The following PDE1A variants were observed in gnomAD, a reference collection of about 807,000 sequenced individuals.
PDE1A encodes phosphodiesterase 1A.
Under a neutral mutation model 61.7 loss-of-function variants are expected in PDE1A, and 35 were observed. That is an observed-to-expected ratio of 0.57 (90% CI 0.43 to 0.75). The LOEUF (loss-of-function observed/expected upper bound fraction) is 0.75. Among genes scored for constraint, PDE1A ranks in the 30% least tolerant of loss-of-function variants. The pLI, the probability that PDE1A is intolerant of heterozygous loss-of-function variation, is 0.00. For missense variants in PDE1A, 597 were observed against 630.6 expected (o/e 0.95, Z 0.57); for synonymous variants, 232 against 213.2 (o/e 1.09, Z -0.77).
chr2:182,506,023 A>C, intron 2 of PDE1A, among the ~76,000 whole-genome samples: 1 of 152,234 alleles, frequency 6.6e-6, no homozygotes, highest in Non-Finnish European at 1.5e-5. Context: ...AAATTCTAAA[A>C]GTTAGAAAGG....
chr2:182,454,034 C>A (rs202226321), intron 2 of PDE1A, among the ~76,000 whole-genome samples: 25,194 of 150,612 alleles, frequency 0.17, 2,475 homozygotes, highest in Middle Eastern at 0.35. Context: ...GTCTCAGCCC[C>A]AAATCTCCTT....
At chr2:182,209,556 T>C (rs961549728) in intron 7 of PDE1A, among the ~76,000 whole-genome samples, 6 of 151,550 alleles carry the variant, frequency 4.0e-5, no homozygotes, top group Non-Finnish European at 8.8e-5. Context: ...CCCGCCCAAA[T>C]CTCATATTGA....
the PDE1A span, among the ~76,000 whole-genome samples, chr2:182,590,644 CATAAA>C: frequency 6.6e-6 from 1 of 151,986 alleles, no homozygotes; most frequent in African/African-American, 2.4e-5. Context: ...CCATTTTTTT[CATAAA>C]ATAAAAGCAA....
the PDE1A span, among the ~76,000 whole-genome samples, chr2:182,703,822 G>A: frequency 1.3e-5 from 2 of 152,050 alleles, no homozygotes; most frequent in African/African-American, 4.8e-5. Context: ...CATATTCCAG[G>A]CCATCCATAA....
chr2:182,516,989 A>C (rs575964006), intron 2 of PDE1A, among the ~76,000 whole-genome samples: 32 of 152,268 alleles, frequency 2.1e-4, no homozygotes, highest in Non-Finnish European at 1.0e-4. Context: ...TTTCAAATGA[A>C]GTAACATATC....
intron 7 of PDE1A, among the ~76,000 whole-genome samples, chr2:182,221,613 G>C (rs1176174420): frequency 1.3e-5 from 2 of 151,938 alleles, no homozygotes; most frequent in African/African-American, 4.8e-5. Context: ...CCATTCCAGG[G>C]ACAGACAGAA....
chr2:182,536,499 C>A, the PDE1A span, among the ~76,000 whole-genome samples: 1 of 152,166 alleles, frequency 6.6e-6, no homozygotes, highest in African/African-American at 2.4e-5. Flanking sequence ...GTAGCAAAAC[C>A]TGATTGATCA....
At chr2:182,391,667 T>C (rs1252513118) in intron 1 of PDE1A, among the ~76,000 whole-genome samples, 1 of 152,138 alleles carries the variant, frequency 6.6e-6, no homozygotes, top group East Asian at 1.9e-4. Flanking sequence ...ACAATGGGAA[T>C]AATTGGATCC....
chr2:182,429,446 T>C (rs929266535), upstream of PDE1A, among the ~76,000 whole-genome samples: 1 of 152,084 alleles, frequency 6.6e-6, no homozygotes, highest in Non-Finnish European at 1.5e-5. Context: ...TATAATTTAT[T>C]ATGAATAGTT....
intron 1 of PDE1A, among the ~76,000 whole-genome samples, chr2:182,371,200 C>T (rs1472257617): frequency 2.0e-5 from 3 of 152,032 alleles, no homozygotes; most frequent in African/African-American, 7.2e-5. Flanking sequence ...ATAAAATATG[C>T]ACTATAAACA....
At chr2:182,664,406 C>T in the PDE1A span, among the ~76,000 whole-genome samples, 2 of 152,082 alleles carry the variant, frequency 1.3e-5, no homozygotes, top group Non-Finnish European at 2.9e-5. Flanking sequence ...CTTTGGAAAA[C>T]CACATGGCTA....
At chr2:182,300,097 T>C (rs1297236984) in intron 1 of PDE1A, among the ~76,000 whole-genome samples, 1 of 152,212 alleles carries the variant, frequency 6.6e-6, no homozygotes, top group Admixed American at 6.5e-5. Flanking sequence ...TATTGTACTT[T>C]GCAAATCCAG....
the PDE1A span, among the ~76,000 whole-genome samples, chr2:182,701,195 C>T: frequency 1.6e-4 from 12 of 75,162 alleles, no homozygotes; most frequent in South Asian, 1.4e-3. Flanking sequence ...CCACCACGCC[C>T]GGCTAATTTT....
chr2:182,450,135 C>A (rs1311347349), intron 2 of PDE1A, among the ~76,000 whole-genome samples: 1 of 152,070 alleles, frequency 6.6e-6, no homozygotes, highest in Non-Finnish European at 1.5e-5. Flanking sequence ...GCTTTTTAAT[C>A]ATCATCATCA....
the PDE1A span, among the ~76,000 whole-genome samples, chr2:182,605,027 G>A: frequency 8.0e-6 from 1 of 124,878 alleles, no homozygotes; most frequent in Admixed American, 7.4e-5. Context: ...GTGGGGGCCT[G>A]AGGGGAGTGG....
chr2:182,147,275 G>A, intron 13 of PDE1A, 123 bp from the exon 14 acceptor site: 1 of 535,940 alleles, frequency 1.9e-6, no homozygotes, highest in Non-Finnish European at 3.2e-6. Context: ...TGGATTTTGT[G>A]GCACATTTTT....
chr2:182,348,655 T>C (rs752079917), intron 1 of PDE1A, among the ~76,000 whole-genome samples: 7 of 152,030 alleles, frequency 4.6e-5, no homozygotes, highest in Non-Finnish European at 1.0e-4. Flanking sequence ...ATCCTGTCCA[T>C]TTCATTTCAT....
chr2:182,441,540 A>T (rs1044954880), intron 2 of PDE1A, among the ~76,000 whole-genome samples: 2 of 151,950 alleles, frequency 1.3e-5, no homozygotes, highest in South Asian at 4.1e-4. Flanking sequence ...AATATATACA[A>T]CCCTAGCTAT....
At chr2:182,184,984 T>C (rs754450394) in intron 13 of PDE1A, among the ~76,000 whole-genome samples, 8 of 152,310 alleles carry the variant, frequency 5.3e-5, no homozygotes, top group Middle Eastern at 3.4e-3. Flanking sequence ...ATATTTATGG[T>C]TGACATTTGG....
Sources: allele counts gnomAD v4.1 joint callset (sites outside exome capture counted in the v4.1 genomes callset), GRCh38; gene constraint gnomAD v4.1.1; transcripts MANE v1.5; gene names NCBI Gene and HGNC (gene_info 2026-07-23, HGNC 2026-07-21).